The following MYO16 variants were observed in gnomAD, a reference collection of about 807,000 sequenced individuals.
MYO16 encodes the protein unconventional myosin-XVI.
A neutral mutation model predicts 205.3 loss-of-function variants in MYO16; 94 were observed. The observed-to-expected ratio is 0.46, with a 90% confidence interval of 0.39 to 0.54. The LOEUF is 0.54. Ranked by LOEUF, MYO16 falls within the 20% of genes least tolerant of loss-of-function variation. MYO16 has a pLI of 0.00. For synonymous variants in MYO16, 988 were observed against 954.0 expected, an observed-to-expected ratio of 1.04 and a Z score of -0.66; for missense variants, 2,315 against 2,387.5, an observed-to-expected ratio of 0.97 and a Z score of 0.63.
chr13:108,617,170 T>C (rs532585285), intron 1 of MYO16, among the ~76,000 whole-genome samples: 8 of 152,168 alleles, frequency 5.3e-5, no homozygotes, highest in African/African-American at 1.7e-4. Context: ...TTCTCAGACT[T>C]AGTGTTTAGC....
Position 109,133,825 on chromosome 13 carries a change from C to A in MYO16, c.4051+6275C>A, listed in dbSNP as rs147750143. 3.4e-3 allele frequency among the ~76,000 whole-genome samples: 522 copies of A among 152,298 alleles called. 5 individuals are homozygous for A. Among genetic ancestry groups the A allele is most frequent in the African/African-American group, 0.012 (497 of 41,546 alleles). ...TGCAAATGAACTTTTAGCACGTGTA[C>A]ACATGCACACACACCCGGAAGTAGC... On this transcript the variant is annotated intron_variant, in intron 31 of 34. Coordinates refer to ENST00000457511, the MANE Select transcript of MYO16 (RefSeq NM_001198950.3).
At chr13:108,563,601 C>G in the MYO16 span, among the ~76,000 whole-genome samples, 1 of 152,158 alleles carries the variant, frequency 6.6e-6, no homozygotes, top group African/African-American at 2.4e-5. Context: ...GCTTGTCTGT[C>G]TGTATCTGGC....
chr13:108,602,397 G>A (rs1168375847), intron 1 of MYO16, among the ~76,000 whole-genome samples: 1 of 152,090 alleles, frequency 6.6e-6, no homozygotes, highest in African/African-American at 2.4e-5. Flanking sequence ...CTCTTTGCTA[G>A]TCATTTTCTA....
chr13:109,166,912 G>A (rs1928143), intron 33 of MYO16: 105,905 of 152,030 alleles, frequency 0.7, 38,314 homozygotes, highest in Non-Finnish European at 0.82. Context: ...GCTTAGCAGG[G>A]TGCCTTTGGT....
At chr13:108,683,351 TC>T (rs1882542124) in intron 2 of MYO16, among the ~76,000 whole-genome samples, 1 of 152,088 alleles carries the variant, frequency 6.6e-6, no homozygotes, top group South Asian at 2.1e-4. Context: ...CCTTCCTTCC[TC>T]CTGTTCTATA....
At chr13:109,018,962 G>GTT (rs766574271) in intron 22 of MYO16, among the ~76,000 whole-genome samples, 2,106 of 140,978 alleles carry the variant, frequency 0.015, 54 homozygotes, top group African/African-American at 0.052. Context: ...GACATACTCT[G>GTT]TTTTTTTTTT....
the MYO16 span, among the ~76,000 whole-genome samples, chr13:108,554,135 A>G: frequency 0.049 from 7,407 of 152,158 alleles, 546 homozygotes; most frequent in African/African-American, 0.16. Context: ...TCATGGACCA[A>G]GTTAATTCTG....
At chr13:108,684,417 G>A (rs1423825431) in intron 2 of MYO16, among the ~76,000 whole-genome samples, 2 of 152,230 alleles carry the variant, frequency 1.3e-5, no homozygotes, top group African/African-American at 4.8e-5. Flanking sequence ...AAGGGGGTAT[G>A]TGCTATTGTG....
the MYO16 span, among the ~76,000 whole-genome samples, chr13:108,535,191 T>A: frequency 1.5e-3 from 221 of 152,210 alleles, 1 homozygote; most frequent in African/African-American, 4.9e-3. Context: ...AGGAAACTCT[T>A]TGAATGGGGA....
At chr13:108,579,597 C>T in the MYO16 span, among the ~76,000 whole-genome samples, 15 of 152,120 alleles carry the variant, frequency 9.9e-5, no homozygotes, top group East Asian at 2.7e-3. Context: ...CCCTCCATCA[C>T]ATCCGGCTAA....
chr13:109,032,638 G>C (rs9514965), intron 23 of MYO16, among the ~76,000 whole-genome samples: 1 of 152,150 alleles, frequency 6.6e-6, no homozygotes, highest in Non-Finnish European at 1.5e-5. Context: ...GTAGACTTTG[G>C]TGTATGAAGT....
chr13:109,085,107 G>A (rs1010928192), intron 27 of MYO16, among the ~76,000 whole-genome samples: 4 of 152,132 alleles, frequency 2.6e-5, no homozygotes, highest in East Asian at 1.9e-4. Context: ...AGCAGATCCC[G>A]ATGGCCAGGG....
At chr13:108,977,848 A>C (rs1594441916) in intron 20 of MYO16, among the ~76,000 whole-genome samples, 1 of 152,040 alleles carries the variant, frequency 6.6e-6, no homozygotes, top group African/African-American at 2.4e-5. Flanking sequence ...TTAATTTTAT[A>C]ATCAGTTTGA....
chr13:108,932,391 T>C (rs1882294729), intron 16 of MYO16, among the ~76,000 whole-genome samples: 2 of 152,210 alleles, frequency 1.3e-5, no homozygotes, highest in South Asian at 2.1e-4. Flanking sequence ...GACTTGGTAT[T>C]CCTCATTGGC....
At chr13:108,875,865 C>A (rs929273161) in intron 12 of MYO16, among the ~76,000 whole-genome samples, 1 of 151,954 alleles carries the variant, frequency 6.6e-6, no homozygotes, top group Non-Finnish European at 1.5e-5. Context: ...CTGAGCGAGA[C>A]CCTGTCTCAA....
chr13:108,642,738 G>A (rs982621490), intron 1 of MYO16, among the ~76,000 whole-genome samples: 3 of 152,004 alleles, frequency 2.0e-5, no homozygotes, highest in African/African-American at 7.2e-5. Flanking sequence ...TCTTTTATCT[G>A]ACCCCTCTGA....
chr13:108,638,078 G>C (rs1880338837), intron 1 of MYO16, among the ~76,000 whole-genome samples: 1 of 152,118 alleles, frequency 6.6e-6, no homozygotes, highest in African/African-American at 2.4e-5. Context: ...GAGTGGACTT[G>C]AGGGGTAATT....
intron 27 of MYO16, among the ~76,000 whole-genome samples, chr13:109,095,537 T>C (rs2139699721): frequency 6.6e-6 from 1 of 152,322 alleles, no homozygotes; most frequent in South Asian, 2.1e-4. Context: ...GAGGTGATCT[T>C]TTTCTTTAGT....
intron 28 of MYO16, among the ~76,000 whole-genome samples, 164 bp from the exon 29 acceptor site, chr13:109,120,206 T>C (rs886079572): frequency 5.3e-5 from 8 of 152,220 alleles, no homozygotes; most frequent in Admixed American, 1.3e-4. Flanking sequence ...CCTTTGGGAT[T>C]TTGATTAAAT....
Sources: gnomAD v4.1 joint callset for allele counts (sites outside exome capture counted in the v4.1 genomes callset) on GRCh38, gnomAD v4.1.1 for gene constraint, MANE v1.5 for transcripts, NCBI Gene and HGNC (gene_info 2026-07-23, HGNC 2026-07-21) for gene names.